The following ATP6V0E2 variants were observed in gnomAD, a reference collection of about 807,000 sequenced individuals.
ATP6V0E2 encodes the protein V-type proton ATPase subunit e 2.
ATP6V0E2 carries 4 observed loss-of-function variants against 11.5 expected under a neutral mutation model. That is an observed-to-expected ratio of 0.35 (90% CI 0.17 to 0.80). The LOEUF (loss-of-function observed/expected upper bound fraction) is 0.80. Ranked by LOEUF, ATP6V0E2 falls within the 30% of genes least tolerant of loss-of-function variation. The pLI is 0.53. For synonymous variants in ATP6V0E2, 52 were observed against 51.0 expected (o/e 1.02, Z -0.09); for missense variants, 93 against 113.5 (o/e 0.82, Z 0.82).
rs978481912 is a variant in ATP6V0E2 at position 149,875,879 on chromosome 7, G to T, written c.152+234G>T. ...GCCCCCAGAGTTCTGGCCCCCATGG[G>T]CTGTAGTTTTCTCACCTGGGCAAGG... On this transcript the variant is annotated intron_variant, in intron 2 of 3. Transcript: ENST00000425642. 3.1e-5 allele frequency: 21 copies of T among 684,264 alleles called. No homozygotes were observed. In the African/African-American group the frequency reaches 3.5e-4, roughly 11 times the overall value. 42.4% of individuals were successfully genotyped at this position (684,264 alleles called of 1,614,324 possible). A position where few individuals can be genotyped will look rare whatever the true frequency, so the allele number is the denominator to read the frequency against.
chr7:149,873,934 C>G (rs1802969607), upstream of ATP6V0E2: 1 of 1,533,036 alleles, frequency 6.5e-7, no homozygotes. Flanking sequence ...CGTGCGCGGC[C>G]CGGCCCGGCT....
chr7:149,873,627 G>C, upstream of ATP6V0E2: 1 of 315,514 alleles, frequency 3.2e-6, no homozygotes, highest in East Asian at 5.1e-5. Context: ...CCCAGGCTGC[G>C]GGTCCGCAGG....
At chr7:149,875,545 CCT>C in intron 1 of ATP6V0E2, 51 bp from the exon 2 acceptor site, 1 of 1,588,550 alleles carries the variant, frequency 6.3e-7, no homozygotes, top group Non-Finnish European at 8.6e-7. Flanking sequence ...CCTGGCCAGG[CCT>C]TGTGAGGTGC....
At chr7:149,877,776 C>T (rs181228956) in intron 2 of ATP6V0E2, among the ~76,000 whole-genome samples, 3 of 152,156 alleles carry the variant, frequency 2.0e-5, no homozygotes, top group Admixed American at 1.3e-4. Flanking sequence ...AATCAACATA[C>T]GGGAAACAGA....
upstream of ATP6V0E2, chr7:149,873,833 C>T: frequency 1.4e-6 from 2 of 1,436,904 alleles, no homozygotes; most frequent in African/African-American, 1.4e-5. Context: ...CTCGGCATTT[C>T]TCTCTGTCCG....
Position 149,879,687 on chromosome 7 carries a change from G to C in ATP6V0E2, c.*372G>C. On this transcript the variant is annotated 3_prime_UTR_variant, in exon 4 of 4. Transcript: ENST00000425642. ...ACTCAGCCCATCCTGAGGAGGACAC[G>C]TGTCCTCATGGAGAGGGTGCTCCGG... The C allele has an allele frequency of 2.1e-6, 3 of 1,410,142 alleles. No homozygotes were observed. The highest frequency in any genetic ancestry group is 1.9e-6 in the Non-Finnish European group (2 of 1,076,082). The allele number at this position is 1,410,142 out of a possible 1,614,324, so 87.4% of individuals were successfully genotyped here. A position where few individuals can be genotyped will look rare whatever the true frequency, so the allele number is the denominator to read the frequency against.
upstream of ATP6V0E2, chr7:149,873,883 G>A (rs756721894): frequency 3.6e-5 from 53 of 1,488,578 alleles, no homozygotes; most frequent in Non-Finnish European, 2.7e-6. Flanking sequence ...CTCCTAGGCA[G>A]GTCCTGAGTG....
chr7:149,873,671 G>C, upstream of ATP6V0E2: 1 of 438,366 alleles, frequency 2.3e-6, no homozygotes, highest in Non-Finnish European at 3.9e-6. Context: ...GCGCGTGAAG[G>C]GCAGGGGACG....
At chr7:149,877,803 G>A (rs185631690) in intron 2 of ATP6V0E2, among the ~76,000 whole-genome samples, 2 of 152,224 alleles carry the variant, frequency 1.3e-5, no homozygotes, top group Admixed American at 1.3e-4. Context: ...ACTGCAAATT[G>A]GATGCATACA....
chr7:149,879,158 C>T, intron 3 of ATP6V0E2, 177 bp from the exon 4 acceptor site: 1 of 1,399,030 alleles, frequency 7.1e-7, no homozygotes, highest in Non-Finnish European at 9.2e-7. Flanking sequence ...CCTCCCCCAT[C>T]CTCACAGCGC....
Position 149,874,137 on chromosome 7 carries a change from G to C in ATP6V0E2, c.72G>C (p.Gly24=), listed in dbSNP as rs915714459. The change falls in exon 1 of 4, where the codon GGG becomes GGC. Residue 24 remains glycine, a synonymous_variant. Coordinates refer to ENST00000425642, the MANE Select transcript of ATP6V0E2 (RefSeq NM_145230.4). ...TCTGGGGCCTCGTCGGCATCGCCGG[G>C]CCCTGGTTCGTGCCGAAGGGACCCA... The part of the protein sequence containing the change: ...TTFWGLVGIA[G]PWFVPKGPNR... 43 of 1,549,692 alleles carry C rather than the reference G, an allele frequency of 2.8e-5. No individual in the cohort carries two copies. In the African/African-American group the frequency reaches 3.3e-4, roughly 12 times the overall value.
chr7:149,878,669 C>A lies in ATP6V0E2; in HGVS notation c.153-9C>A. ...TGCCAGGCTCACCATGCTTTGCTGT[C>A]CCTGGCAGCTGGCTCATCGCCATCC... On this transcript the variant is annotated splice_polypyrimidine_tract_variant and intron_variant, in intron 2 of 3. Coordinates refer to ENST00000425642, the MANE Select transcript of ATP6V0E2 (RefSeq NM_145230.4). 1 of 1,609,224 alleles carries A rather than the reference C, an allele frequency of 6.2e-7. No individual in the cohort carries two copies. Among genetic ancestry groups the A allele is most frequent in the Non-Finnish European group, 8.5e-7 (1 of 1,179,030 alleles).
At position 149,878,702 on chromosome 7, in the gene ATP6V0E2, G is replaced by A. The variant is rs1364410469; in HGVS notation, c.177G>A (p.Gln59=). ...GCTGGCTCATCGCCATCCTGGCGCAGCTGAACCCCCTGTTCGGGCCCCAGC... is the reference window on the plus strand; with the variant it reads ...GCTGGCTCATCGCCATCCTGGCGCAACTGAACCCCCTGTTCGGGCCCCAGC... The part of the protein sequence containing the change: ...YLFWLIAILA[Q]LNPLFGPQLK... The change falls in exon 3 of 4, where the codon CAG becomes CAA. Residue 59 remains glutamine, a synonymous_variant. Transcript: ENST00000425642. 6.2e-7 allele frequency: 1 copy of A among 1,612,540 alleles called. No homozygotes were observed. The highest frequency in any genetic ancestry group is 1.7e-5 in the Admixed American group (1 of 60,018).
chr7:149,873,727 G>C, upstream of ATP6V0E2: 2 of 745,896 alleles, frequency 2.7e-6, no homozygotes, highest in Non-Finnish European at 4.0e-6. Context: ...AGGGGTCTTT[G>C]GAAATAAGAA....
Position 149,878,682 on chromosome 7 carries a change from CTCA to C in ATP6V0E2, c.160_162del (p.Ile54del), listed in dbSNP as rs746450944. The C allele has an allele frequency of 6.2e-7, 1 of 1,611,314 alleles. No homozygotes were observed. The highest frequency in any genetic ancestry group is 1.1e-5 in the South Asian group (1 of 91,010). On this transcript the variant is annotated inframe_deletion, in exon 3 of 4. Transcript: ENST00000425642. ...ATGCTTTGCTGTCCCTGGCAGCTGG[CTCA>C]TCGCCATCCTGGCGCAGCTGAACCC...
At chr7:149,873,383 G>C (rs1285602717), upstream of ATP6V0E2, 1 of 152,534 alleles carries the variant, frequency 6.6e-6, no homozygotes, top group Non-Finnish European at 1.5e-5. Flanking sequence ...CCATCGAAAC[G>C]CGAAGCCCCC....
intron 1 of ATP6V0E2, 135 bp downstream of exon 1, chr7:149,874,304 C>T: frequency 2.5e-6 from 3 of 1,176,588 alleles, no homozygotes; most frequent in Non-Finnish European, 3.5e-6. Flanking sequence ...CCGGACGCCA[C>T]CTCTGAGGTC....
At chr7:149,873,918 G>T (rs1196407710), upstream of ATP6V0E2, 14 of 1,523,876 alleles carry the variant, frequency 9.2e-6, no homozygotes, top group Non-Finnish European at 1.1e-5. Context: ...TGGATCAGGA[G>T]ATGCGCGTGC....
In ATP6V0E2 at chr7:149,874,187, G is replaced by T. The variant is rs1802994467; in HGVS notation, c.104+18G>T. The T allele has an allele frequency of 2.6e-6, 4 of 1,546,118 alleles. No homozygotes were observed. Among genetic ancestry groups the T allele is most frequent in the Non-Finnish European group, 3.5e-6 (4 of 1,144,470 alleles). Reference sequence around the variant, plus strand: ...AACCGCGGGTAAGGAAAGCGCGCAGGCCCTGCAGACCTCTCCACCCCGGCC... The same window carrying T: ...AACCGCGGGTAAGGAAAGCGCGCAGTCCCTGCAGACCTCTCCACCCCGGCC... On this transcript the variant is annotated intron_variant, in intron 1 of 3. Transcript: ENST00000425642.
Sources: allele counts gnomAD v4.1 joint callset (sites outside exome capture counted in the v4.1 genomes callset), GRCh38; gene constraint gnomAD v4.1.1; transcripts MANE v1.5; gene names NCBI Gene and HGNC (gene_info 2026-07-23, HGNC 2026-07-21).